Variants in ZFHX3 observed in about 807,000 individuals in gnomAD.
ZFHX3 encodes zinc finger homeobox protein 3.
ZFHX3 carries 42 observed loss-of-function variants against 279.1 expected under a neutral mutation model. That is an observed-to-expected ratio of 0.15 (90% CI 0.12 to 0.19). The LOEUF is 0.19. ZFHX3 is among the 10% of genes least tolerant of loss of function. ZFHX3 has a pLI of 1.00. For missense variants in ZFHX3, 4,981 were observed against 4,754.0 expected, an observed-to-expected ratio of 1.05 and a Z score of -1.40; for synonymous variants, 2,293 against 1,957.8, an observed-to-expected ratio of 1.17 and a Z score of -4.52.
chr16:73,678,318 G>C (rs1436549842), intron 2 of ZFHX3, among the ~76,000 whole-genome samples: 1 of 152,132 alleles, frequency 6.6e-6, no homozygotes, highest in East Asian at 1.9e-4. Flanking sequence ...GGGAATGAAA[G>C]TGTAAAAGAA....
chr16:73,545,035 A>G (rs1181389066), intron 2 of ZFHX3, among the ~76,000 whole-genome samples: 1 of 152,132 alleles, frequency 6.6e-6, no homozygotes, highest in African/African-American at 2.4e-5. Context: ...ATCTTACACG[A>G]GGCCCCTCAT....
At chr16:73,259,650 G>A (rs2013762700) in intron 4 of ZFHX3, among the ~76,000 whole-genome samples, 1 of 152,070 alleles carries the variant, frequency 6.6e-6, no homozygotes, top group Admixed American at 6.6e-5. Flanking sequence ...AATTTCAAAT[G>A]CACATGTATT....
chr16:73,127,695 A>C, intron 7 of ZFHX3: 1 of 1,113,296 alleles, frequency 9.0e-7, no homozygotes, highest in South Asian at 1.6e-5. Context: ...CTTTTTCCTG[A>C]ACCTCACTCA....
At chr16:73,459,537 A>AT (rs2018436093) in intron 2 of ZFHX3, among the ~76,000 whole-genome samples, 8 of 151,484 alleles carry the variant, frequency 5.3e-5, no homozygotes, top group Non-Finnish European at 7.4e-5. Context: ...CATTTTTGTA[A>AT]ATTTTTTTTA....
intron 1 of ZFHX3, among the ~76,000 whole-genome samples, chr16:73,025,374 T>C (rs893069717): frequency 2.0e-5 from 3 of 152,158 alleles, no homozygotes; most frequent in African/African-American, 7.2e-5. Flanking sequence ...GAGCTCCACC[T>C]CTGGGAATGG....
intron 1 of ZFHX3, among the ~76,000 whole-genome samples, chr16:73,868,845 G>A (rs1471876559): frequency 2.0e-5 from 3 of 151,760 alleles, no homozygotes; most frequent in Non-Finnish European, 4.4e-5. Flanking sequence ...ATATTTTTAT[G>A]TCAATACTCT....
At chr16:73,113,317 A>T (rs1018870626) in intron 7 of ZFHX3, among the ~76,000 whole-genome samples, 4 of 152,186 alleles carry the variant, frequency 2.6e-5, no homozygotes, top group African/African-American at 9.7e-5. Flanking sequence ...CACGTCCCAG[A>T]GGTCAATAAA....
At chr16:73,260,714 G>A (rs1310406650) in intron 4 of ZFHX3, among the ~76,000 whole-genome samples, 6 of 119,408 alleles carry the variant, frequency 5.0e-5, no homozygotes, top group African/African-American at 1.8e-4. Flanking sequence ...TTTTGAGATG[G>A]AGCTTTGCTC....
At chr16:73,033,524 C>T (rs374824833) in intron 1 of ZFHX3, among the ~76,000 whole-genome samples, 4 of 151,244 alleles carry the variant, frequency 2.6e-5, no homozygotes, top group African/African-American at 9.7e-5. Context: ...GGAAAGGGGG[C>T]AGGCGGGGGG....
chr16:73,668,634 C>T (rs2052870004), intron 2 of ZFHX3, among the ~76,000 whole-genome samples: 1 of 144,396 alleles, frequency 6.9e-6, no homozygotes. Flanking sequence ...AGGACATAAA[C>T]TCATCCTTTT....
At chr16:73,828,140 T>A (rs1431108520) in intron 1 of ZFHX3, among the ~76,000 whole-genome samples, 1 of 78,614 alleles carries the variant, frequency 1.3e-5, no homozygotes. Flanking sequence ...GTTGAATCGA[T>A]CCCTTTACCA....
chr16:73,578,473 G>T (rs2143819056), intron 2 of ZFHX3, among the ~76,000 whole-genome samples: 1 of 152,048 alleles, frequency 6.6e-6, no homozygotes, highest in African/African-American at 2.4e-5. Flanking sequence ...TTCCTAGTTT[G>T]CTCAGAGGCT....
chr16:72,951,002 G>A (rs1597004747), intron 2 of ZFHX3, 37 bp from the exon 3 acceptor site: 1 of 1,589,796 alleles, frequency 6.3e-7, no homozygotes, highest in Non-Finnish European at 8.6e-7. Context: ...TCAGACACCA[G>A]GCTCATGGTC....
intron 3 of ZFHX3, among the ~76,000 whole-genome samples, chr16:73,394,239 G>GTTT (rs67840840): frequency 7.3e-6 from 1 of 136,274 alleles, no homozygotes; most frequent in Non-Finnish European, 1.6e-5. Context: ...TTTGTTTTCT[G>GTTT]TTTTTTTTTT....
At chr16:72,909,518 C>T (rs1224747793) in intron 3 of ZFHX3, among the ~76,000 whole-genome samples, 1 of 151,376 alleles carries the variant, frequency 6.6e-6, no homozygotes, top group South Asian at 2.1e-4. Flanking sequence ...CATTATCTTT[C>T]TCTCACACAC....
rs144613545 is a variant in ZFHX3, at chr16:72,959,592, G to A, written c.554C>T (p.Ser185Leu). ...CTGCGGGTACACGGGTGCAGCACAC[G>A]AAGGGTCCCCTTGCTTGCCCCCCGC... ...PGAGGKQGDP[S>L]CAAPVYPQII... Residue 185 changes from serine (S) to leucine (L), a missense_variant, in exon 2 of 10, where the codon TCG becomes TTG. Transcript: ENST00000268489. 142 of 1,614,154 alleles carry A rather than the reference G, an allele frequency of 8.8e-5. 1 individual carries two copies. In the South Asian group the frequency reaches 1.1e-3, roughly 12 times the overall value.
At chr16:73,611,919 C>T (rs2052250782) in intron 2 of ZFHX3, among the ~76,000 whole-genome samples, 1 of 152,196 alleles carries the variant, frequency 6.6e-6, no homozygotes, top group African/African-American at 2.4e-5. Context: ...CACAACTTCT[C>T]ACAAGATGTG....
At chr16:73,799,648 T>A (rs1199163795) in intron 1 of ZFHX3, among the ~76,000 whole-genome samples, 1 of 152,140 alleles carries the variant, frequency 6.6e-6, no homozygotes, top group East Asian at 1.9e-4. Context: ...AAGAAAGGGA[T>A]GCAGGAAAGC....
At chr16:73,068,483 T>C (rs187752725) in intron 8 of ZFHX3, among the ~76,000 whole-genome samples, 59 of 152,306 alleles carry the variant, frequency 3.9e-4, no homozygotes, top group Admixed American at 3.2e-3. Context: ...AAAGGGACAA[T>C]GCAATAGAGA....
Sources: gnomAD v4.1 joint callset for allele counts (sites outside exome capture counted in the v4.1 genomes callset) on GRCh38, gnomAD v4.1.1 for gene constraint, MANE v1.5 for transcripts, NCBI Gene and HGNC (gene_info 2026-07-23, HGNC 2026-07-21) for gene names.